Variants in LRBA observed in about 807,000 individuals in gnomAD.
LRBA encodes the protein lipopolysaccharide-responsive and beige-like anchor protein.
In LRBA, 176 loss-of-function variants were observed where a neutral mutation model predicts 330.0. That is an observed-to-expected ratio of 0.53 (90% CI 0.47 to 0.60). The LOEUF (loss-of-function observed/expected upper bound fraction) is 0.60. Among genes scored for constraint, LRBA ranks in the 20% least tolerant of loss-of-function variants. The probability of loss-of-function intolerance (pLI) is 0.00; values close to 1 mark genes in which losing one functional copy is unlikely to be tolerated. For synonymous variants in LRBA, 1,230 were observed against 1,193.0 expected (o/e 1.03, Z -0.64); for missense variants, 3,259 against 3,444.8 (o/e 0.95, Z 1.35).
chr4:150,924,164 A>C (rs1393447528), intron 4 of LRBA, among the ~76,000 whole-genome samples: 1 of 152,224 alleles, frequency 6.6e-6, no homozygotes, highest in Non-Finnish European at 1.5e-5. Flanking sequence ...TAAGCACTTT[A>C]CTTGACAGAC....
chr4:150,477,504 T>G (rs1756845134), intron 42 of LRBA, among the ~76,000 whole-genome samples: 1 of 152,000 alleles, frequency 6.6e-6, no homozygotes, highest in Non-Finnish European at 1.5e-5. Context: ...GAGAACTCAC[T>G]CACTATCATG....
At chr4:150,529,450 G>A (rs779920572) in intron 40 of LRBA, among the ~76,000 whole-genome samples, 6 of 152,146 alleles carry the variant, frequency 3.9e-5, no homozygotes, top group Non-Finnish European at 8.8e-5. Context: ...AGGTGTGGTG[G>A]CTCACATCTG....
intron 17 of LRBA, among the ~76,000 whole-genome samples, chr4:150,886,930 A>T (rs1402554005): frequency 6.6e-6 from 1 of 152,226 alleles, no homozygotes; most frequent in Non-Finnish European, 1.5e-5. Context: ...TTTAAAGGAG[A>T]TACTATAATT....
intron 47 of LRBA, among the ~76,000 whole-genome samples, chr4:150,394,120 G>A (rs1326428848): frequency 1.3e-5 from 2 of 152,068 alleles, no homozygotes; most frequent in Non-Finnish European, 2.9e-5. Context: ...TGCCTTAGAG[G>A]CCTTGTGATC....
intron 36 of LRBA, among the ~76,000 whole-genome samples, chr4:150,688,703 C>T (rs982702029): frequency 6.6e-6 from 1 of 152,132 alleles, no homozygotes; most frequent in Non-Finnish European, 1.5e-5. Flanking sequence ...TGAAAAAAAG[C>T]TCATCATCAC....
intron 19 of LRBA, among the ~76,000 whole-genome samples, chr4:150,870,968 G>A (rs1161038132): frequency 1.3e-5 from 2 of 152,152 alleles, no homozygotes; most frequent in Admixed American, 1.3e-4. Flanking sequence ...GGTCTGGTCA[G>A]CATGGTGGCT....
In LRBA at chr4:150,462,732, G is replaced by C. The variant is rs532639475; in HGVS notation, c.6780+4941C>G. 1.6e-4 allele frequency among the ~76,000 whole-genome samples: 25 copies of C among 151,860 alleles called. No individual in the cohort carries two copies. In the South Asian group the frequency reaches 2.1e-3, roughly 13 times the overall value. On this transcript the variant is annotated intron_variant, in intron 44 of 56. Transcript: ENST00000651943. ...TTCAATACATTTTAAAGCCAGTCAG[G>C]CAATATTATCCACTTAAGAACGGAG...
At chr4:150,483,020 A>C (rs1757468034) in intron 42 of LRBA, among the ~76,000 whole-genome samples, 1 of 152,022 alleles carries the variant, frequency 6.6e-6, no homozygotes, top group Non-Finnish European at 1.5e-5. Context: ...TTTTATTTTA[A>C]TGAAATCAAT....
At chr4:150,785,337 T>C (rs543619558) in intron 34 of LRBA, among the ~76,000 whole-genome samples, 2 of 152,346 alleles carry the variant, frequency 1.3e-5, no homozygotes, top group East Asian at 3.9e-4. Flanking sequence ...GTAGTGATGT[T>C]ATTTTCGAGA....
At chr4:150,338,980 C>CAA (rs1429231960) in intron 48 of LRBA, among the ~76,000 whole-genome samples, 1 of 151,738 alleles carries the variant, frequency 6.6e-6, no homozygotes, top group Non-Finnish European at 1.5e-5. Context: ...CACACACACA[C>CAA]ACACACACAC....
chr4:150,443,289 G>T (rs1431162724), intron 44 of LRBA, among the ~76,000 whole-genome samples: 1 of 152,074 alleles, frequency 6.6e-6, no homozygotes, highest in Admixed American at 6.5e-5. Context: ...AGGCAGGGTG[G>T]TGATTCCTCA....
At chr4:151,014,177 A>T in intron 2 of LRBA, 1 of 374,972 alleles carries the variant, frequency 2.7e-6, no homozygotes, top group East Asian at 4.1e-5. Flanking sequence ...ATACTTCCAT[A>T]GCAACAATTA....
intron 36 of LRBA, among the ~76,000 whole-genome samples, chr4:150,688,087 AC>A (rs1416282640): frequency 6.6e-6 from 1 of 152,212 alleles, no homozygotes; most frequent in Non-Finnish European, 1.5e-5. Flanking sequence ...ACAGCATGGT[AC>A]TGGTACCAAA....
At chr4:150,495,676 G>C (rs1759502875) in intron 40 of LRBA, among the ~76,000 whole-genome samples, 1 of 152,132 alleles carries the variant, frequency 6.6e-6, no homozygotes, top group African/African-American at 2.4e-5. Context: ...TATAGGCCTG[G>C]TCTGAGGCTT....
At chr4:150,395,120 T>C (rs1003514206) in intron 47 of LRBA, among the ~76,000 whole-genome samples, 2 of 152,200 alleles carry the variant, frequency 1.3e-5, no homozygotes, top group African/African-American at 2.4e-5. Flanking sequence ...ATCAATTATA[T>C]GCTAATATTA....
At chr4:150,640,893 C>T (rs376756654) in intron 37 of LRBA, among the ~76,000 whole-genome samples, 3 of 152,188 alleles carry the variant, frequency 2.0e-5, no homozygotes, top group Non-Finnish European at 2.9e-5. Context: ...CATTTAGGAT[C>T]GCTTATGACC....
intron 47 of LRBA, among the ~76,000 whole-genome samples, chr4:150,387,309 C>A (rs568676568): frequency 6.6e-6 from 1 of 151,950 alleles, no homozygotes; most frequent in African/African-American, 2.4e-5. Flanking sequence ...ATCTATATTA[C>A]CTTTATATGG....
intron 37 of LRBA, among the ~76,000 whole-genome samples, chr4:150,671,000 ATGTGTGTGTGTG>A (rs57937053): frequency 2.8e-5 from 3 of 106,828 alleles, no homozygotes; most frequent in African/African-American, 3.9e-5. Context: ...AACATAGCTG[ATGTGTGTGTGTG>A]TGTGTGTGTG....
chr4:150,660,412 C>T (rs1291358028), intron 37 of LRBA, among the ~76,000 whole-genome samples: 1 of 144,406 alleles, frequency 6.9e-6, no homozygotes, highest in Admixed American at 6.9e-5. Context: ...GCGCCTCTGC[C>T]CGGCTGCCCC....
Sources: gnomAD v4.1 joint callset for allele counts (sites outside exome capture counted in the v4.1 genomes callset) on GRCh38, gnomAD v4.1.1 for gene constraint, MANE v1.5 for transcripts, NCBI Gene and HGNC (gene_info 2026-07-23, HGNC 2026-07-21) for gene names.